The following NTM variants were observed in gnomAD, a reference collection of about 807,000 sequenced individuals.
The protein encoded by NTM is neurotrimin, also known as IgLON family member 2.
NTM carries 13 observed loss-of-function variants against 42.1 expected under a neutral mutation model. That is an observed-to-expected ratio of 0.31 (90% CI 0.20 to 0.49). The LOEUF (loss-of-function observed/expected upper bound fraction) is 0.49, where lower values mean the gene tolerates loss of function less well. Ranked by LOEUF, NTM falls within the 20% of genes least tolerant of loss-of-function variation. The pLI is 0.99. For synonymous variants in NTM, 187 were observed against 179.2 expected (o/e 1.04, Z -0.35); for missense variants, 373 against 452.8 (o/e 0.82, Z 1.60).
intron 2 of NTM, among the ~76,000 whole-genome samples, chr11:132,086,022 G>A (rs1009992083): frequency 6.6e-6 from 1 of 152,130 alleles, no homozygotes; most frequent in African/African-American, 2.4e-5. Context: ...TTTCATACAT[G>A]CATTAAGAGT....
chr11:131,484,223 C>T (rs1038881358), intron 1 of NTM, among the ~76,000 whole-genome samples: 1 of 151,882 alleles, frequency 6.6e-6, no homozygotes, highest in Admixed American at 6.6e-5. Flanking sequence ...TTGCTTTATG[C>T]CAGAAATCTT....
chr11:131,672,236 G>C (rs1219063886), intron 1 of NTM, among the ~76,000 whole-genome samples: 1 of 152,228 alleles, frequency 6.6e-6, no homozygotes, highest in Non-Finnish European at 1.5e-5. Flanking sequence ...TTTCCCCTCT[G>C]GGGAGGCCTC....
chr11:131,828,940 T>TTC (rs144973215), intron 1 of NTM, among the ~76,000 whole-genome samples: 15,555 of 151,540 alleles, frequency 0.1, 1,090 homozygotes, highest in East Asian at 0.34. Context: ...CATCTTTTAT[T>TTC]TCTCTCTCTC....
chr11:131,998,678 T>C (rs937344178), intron 2 of NTM, among the ~76,000 whole-genome samples: 1 of 152,172 alleles, frequency 6.6e-6, no homozygotes, highest in Non-Finnish European at 1.5e-5. Context: ...ACAGCCTGCT[T>C]TCTCCCCATT....
At chr11:131,763,699 A>ATG (rs771516367) in intron 1 of NTM, among the ~76,000 whole-genome samples, 62 of 73,996 alleles carry the variant, frequency 8.4e-4, no homozygotes, top group African/African-American at 2.4e-3. Flanking sequence ...CCACAGGCCC[A>ATG]TCTCTCTCTC....
intron 2 of NTM, among the ~76,000 whole-genome samples, chr11:132,040,019 G>A (rs1371944355): frequency 1.3e-5 from 2 of 151,930 alleles, no homozygotes; most frequent in African/African-American, 4.8e-5. Context: ...CTGCCTCCCA[G>A]GTTCAAGCAA....
chr11:132,110,962 A>C (rs546475975), intron 2 of NTM, among the ~76,000 whole-genome samples: 18 of 151,056 alleles, frequency 1.2e-4, no homozygotes, highest in African/African-American at 4.4e-4. Flanking sequence ...CAGCTACTTT[A>C]GAGTCTAAGG....
chr11:132,037,144 G>A lies in NTM; in HGVS notation c.168-109138G>A, dbSNP rs550123429. 4.6e-5 allele frequency among the ~76,000 whole-genome samples: 7 copies of A among 152,262 alleles called. No homozygotes were observed. The East Asian group carries it at 1.4e-3, about 30-fold the overall frequency. ...AGAAGGTGTTTGGACCACCGGGATG[G>A]ATCCCTCATGAATAGATTAATGCTT... On this transcript the variant is annotated intron_variant, in intron 2 of 8. Coordinates refer to ENST00000683400, the MANE Select transcript of NTM (RefSeq NM_001352005.2).
At position 131,628,232 on chromosome 11, in the gene NTM, C is replaced by G. The variant is rs374001881; in HGVS notation, c.82+257344C>G. ...TCCACACACTCTGCAAAGCATCAGA[C>G]TTATTCACAGATCTTTCACGGGTGA... On this transcript the variant is annotated intron_variant, in intron 1 of 8. Transcript: ENST00000683400. 1.2e-4 allele frequency among the ~76,000 whole-genome samples: 19 copies of G among 152,356 alleles called. No individual in the cohort carries two copies. The South Asian group carries it at 2.1e-3, about 17-fold the overall frequency.
chr11:131,979,189 G>T (rs2064867936), intron 2 of NTM, among the ~76,000 whole-genome samples: 1 of 152,142 alleles, frequency 6.6e-6, no homozygotes, highest in Non-Finnish European at 1.5e-5. Flanking sequence ...GCTATACACT[G>T]AAACACAGAA....
intron 1 of NTM, among the ~76,000 whole-genome samples, chr11:131,632,204 C>A (rs974122462): frequency 1.3e-5 from 2 of 152,210 alleles, no homozygotes; most frequent in Admixed American, 6.5e-5. Flanking sequence ...GTTGGATTTG[C>A]TCTATATTAA....
At chr11:131,948,243 T>C (rs2060567774) in intron 2 of NTM, among the ~76,000 whole-genome samples, 1 of 151,770 alleles carries the variant, frequency 6.6e-6, no homozygotes, top group South Asian at 2.1e-4. Flanking sequence ...TGGGTGCCTG[T>C]AGTCCCCGCT....
At chr11:131,477,990 T>A (rs1451892269) in intron 1 of NTM, among the ~76,000 whole-genome samples, 9 of 152,152 alleles carry the variant, frequency 5.9e-5, no homozygotes, top group Admixed American at 5.9e-4. Flanking sequence ...TGGCCCACGC[T>A]GCACTAGAGA....
chr11:131,460,621 C>G (rs1423834734), intron 1 of NTM, among the ~76,000 whole-genome samples: 1 of 152,090 alleles, frequency 6.6e-6, no homozygotes, highest in Non-Finnish European at 1.5e-5. Flanking sequence ...GGCGCGATCT[C>G]AGCTCACTGC....
chr11:131,598,099 A>T (rs945372067), intron 1 of NTM, among the ~76,000 whole-genome samples: 1 of 152,042 alleles, frequency 6.6e-6, no homozygotes, highest in African/African-American at 2.4e-5. Flanking sequence ...CTGAGCTCAG[A>T]CCCTGCCCTT....
intron 7 of NTM, among the ~76,000 whole-genome samples, chr11:132,317,091 T>G (rs1591975804): frequency 6.6e-6 from 1 of 152,184 alleles, no homozygotes; most frequent in South Asian, 2.1e-4. Context: ...TAGTCGGCGG[T>G]CTGGGAATAC....
In NTM at chr11:131,391,495, G is replaced by T. The variant is rs531623927; in HGVS notation, c.82+20607G>T. On this transcript the variant is annotated intron_variant, in intron 1 of 8. Transcript: ENST00000683400. ...CCCTTGACATCCATTAAACATTCTCGCAAGCAGAGCGAAGTGACAAAAGGG... is the reference window on the plus strand; with the variant it reads ...CCCTTGACATCCATTAAACATTCTCTCAAGCAGAGCGAAGTGACAAAAGGG... Among the ~76,000 whole-genome samples the T allele has an allele frequency of 1.5e-3, 233 of 151,308 alleles. 3 individuals carry two copies. Among genetic ancestry groups the T allele is most frequent in the South Asian group, 0.014 (68 of 4,776 alleles).
At chr11:131,571,716 G>C (rs1352370275) in intron 1 of NTM, among the ~76,000 whole-genome samples, 1 of 152,208 alleles carries the variant, frequency 6.6e-6, no homozygotes, top group Non-Finnish European at 1.5e-5. Flanking sequence ...AAAGACAAAA[G>C]AGATGTCGGA....
chr11:132,222,792 T>C (rs2138884479), intron 4 of NTM, among the ~76,000 whole-genome samples: 1 of 152,242 alleles, frequency 6.6e-6, no homozygotes, highest in South Asian at 2.1e-4. Context: ...AACAAACCTC[T>C]TTTCCTCCTC....
Sources: allele counts gnomAD v4.1 joint callset (sites outside exome capture counted in the v4.1 genomes callset), GRCh38; gene constraint gnomAD v4.1.1; transcripts MANE v1.5; gene names NCBI Gene and HGNC (gene_info 2026-07-23, HGNC 2026-07-21).